ATP1A1: variants seen among roughly 807,000 people sequenced by gnomAD.
ATP1A1 encodes ATPase Na+/K+ transporting subunit alpha 1, also known as sodium/potassium-transporting ATPase subunit alpha-1.
ATP1A1 carries 14 observed loss-of-function variants against 114.8 expected under a neutral mutation model. The observed-to-expected ratio is 0.12, with a 90% CI of 0.08 to 0.19. The LOEUF (loss-of-function observed/expected upper bound fraction) is 0.19. ATP1A1 is among the 10% of genes least tolerant of loss of function. The pLI is 1.00. For synonymous variants in ATP1A1, 471 were observed against 466.3 expected, an observed-to-expected ratio of 1.01 and a Z score of -0.13; for missense variants, 524 against 1,290.7, an observed-to-expected ratio of 0.41 and a Z score of 9.10.
Position 116,404,503 on chromosome 1 carries a change from C to G in ATP1A1, c.*59C>G. The G allele has an allele frequency of 6.4e-7, 1 of 1,569,620 alleles. No individual in the cohort carries two copies. The highest frequency in any genetic ancestry group is 1.2e-5 in the South Asian group (1 of 84,604). On this transcript the variant is annotated 3_prime_UTR_variant, in exon 23 of 23. Coordinates refer to ENST00000295598, the MANE Select transcript of ATP1A1 (RefSeq NM_000701.8). This position sits in a 1 kb window ranked among gnomAD's most constrained non-coding sequence, Gnocchi z 4.8. ...ACACACTCTGCATCCGACACCCACC[C>G]CCTCTTTGTGTACTTCAGTCTTGGA...
At chr1:116,376,069 A>G (rs78632378) in intron 1 of ATP1A1, among the ~76,000 whole-genome samples, 2,446 of 152,242 alleles carry the variant, frequency 0.016, 61 homozygotes, top group African/African-American at 0.057. Context: ...TACCACCGGC[A>G]ACTGTTTCAC....
At chr1:116,391,909 A>G (rs1652496941) in intron 10 of ATP1A1, among the ~76,000 whole-genome samples, 1 of 152,238 alleles carries the variant, frequency 6.6e-6, no homozygotes, top group African/African-American at 2.4e-5. Context: ...TGTTGATGGC[A>G]TTATTACTAA....
In ATP1A1 at chr1:116,389,241, G is replaced by C. The variant is rs1034286405; in HGVS notation, c.755-198G>C. ...TCTGTCAACAACACCAGTCTGGCAT[G>C]GGTGTTGGAGCTGCTGTCCTGCTAC... On this transcript the variant is annotated intron_variant, in intron 7 of 22. Transcript: ENST00000295598. This position sits in a 1 kb window ranked among gnomAD's most constrained non-coding sequence, Gnocchi z 6.9. 6.6e-6 allele frequency among the ~76,000 whole-genome samples: 1 copy of C among 152,138 alleles called. No individual in the cohort carries two copies. Among genetic ancestry groups the C allele is most frequent in the South Asian group, 2.1e-4 (1 of 4,832 alleles).
intron 13 of ATP1A1, among the ~76,000 whole-genome samples, chr1:116,396,093 G>C (rs906980204): frequency 6.6e-6 from 1 of 152,074 alleles, no homozygotes; most frequent in Admixed American, 6.5e-5. Context: ...CTTTGTAGAA[G>C]TTATTTCCTC....
chr1:116,382,734 A>G (rs920227840), intron 1 of ATP1A1: 4 of 152,258 alleles, frequency 2.6e-5, no homozygotes, highest in Non-Finnish European at 5.9e-5. Flanking sequence ...AAACACACAT[A>G]ATACGTTTTG....
Position 116,388,269 on chromosome 1 carries a change from A to C in ATP1A1, c.501+25A>C. 1 of 1,548,704 alleles carries C rather than the reference A, an allele frequency of 6.5e-7. No individual in the cohort carries two copies. The highest frequency in any genetic ancestry group is 8.9e-7 in the Non-Finnish European group (1 of 1,120,962). On this transcript the variant is annotated intron_variant, in intron 5 of 22. Coordinates refer to ENST00000295598, the MANE Select transcript of ATP1A1 (RefSeq NM_000701.8). The surrounding 1 kb of genome is among the most constrained non-coding windows in gnomAD (Gnocchi z 5.6). Reference sequence around the variant, plus strand: ...GGTACCAGACGCTTTGTCCTTCCCCAGTGGATGACTTGACAGCCCCAAGCA... The same window carrying C: ...GGTACCAGACGCTTTGTCCTTCCCCCGTGGATGACTTGACAGCCCCAAGCA...
At chr1:116,403,731 T>C (rs1439775184) in intron 21 of ATP1A1, among the ~76,000 whole-genome samples, 153 bp from the exon 22 acceptor site, 2 of 152,246 alleles carry the variant, frequency 1.3e-5, no homozygotes, top group Non-Finnish European at 2.9e-5. Flanking sequence ...ACATTTTTAT[T>C]TGTTCTGTTA....
rs1269619581 is a variant in ATP1A1 at position 116,401,366 on chromosome 1, GGAATCTCTA to G, written c.2849+108_2849+116del. 1 of 1,563,040 alleles carries G rather than the reference GGAATCTCTA, an allele frequency of 6.4e-7. No individual in the cohort carries two copies. The highest frequency in any genetic ancestry group is 1.4e-5 in the African/African-American group (1 of 73,144). ...ATATGACACATATAGCCAGGTTTCT[GGAATCTCTA>G]GTTTATAGAGCAAATTTAGGAAGCA... On this transcript the variant is annotated intron_variant, in intron 20 of 22. Transcript: ENST00000295598. The surrounding 1 kb of genome is among the most constrained non-coding windows in gnomAD (Gnocchi z 4.7).
Position 116,390,820 on chromosome 1 carries a change from C to T in ATP1A1, c.1261C>T (p.Leu421=), listed in dbSNP as rs764635041. The part of the protein sequence containing the change: ...FDKTSATWLA[L]SRIAGLCNRA... Reference sequence around the variant, plus strand: ...CAAGACTTCAGCTACCTGGCTTGCTCTGTCCAGAATTGCAGGTCTTTGTAA... The same window carrying T: ...CAAGACTTCAGCTACCTGGCTTGCTTTGTCCAGAATTGCAGGTCTTTGTAA... The change falls in exon 10 of 23, where the codon CTG becomes TTG. Residue 421 remains leucine (L), a synonymous_variant. Transcript: ENST00000295598. The T allele has an allele frequency of 1.2e-6, 2 of 1,614,216 alleles. No individual in the cohort carries two copies. Among genetic ancestry groups the T allele is most frequent in the Admixed American group, 3.3e-5 (2 of 60,030 alleles).
At chr1:116,380,470 G>A (rs1182644539) in intron 1 of ATP1A1, among the ~76,000 whole-genome samples, 1 of 152,216 alleles carries the variant, frequency 6.6e-6, no homozygotes, top group East Asian at 1.9e-4. Flanking sequence ...GCCTTTGGCG[G>A]TGGCTATAGC....
intron 14 of ATP1A1, 88 bp downstream of exon 14, chr1:116,396,822 C>T: frequency 7.0e-7 from 1 of 1,426,322 alleles, no homozygotes; most frequent in Non-Finnish European, 9.3e-7. Flanking sequence ...TAATGGTTTG[C>T]ATCTAGGCTT....
chr1:116,390,518 GC>G, intron 9 of ATP1A1, 107 bp downstream of exon 9: 1 of 1,109,456 alleles, frequency 9.0e-7, no homozygotes, highest in Non-Finnish European at 1.3e-6. Context: ...GCTCATGGCA[GC>G]TTTTTCTTTC....
At position 116,389,009 on chromosome 1, in the gene ATP1A1, T is replaced by C. The variant is rs201702975; in HGVS notation, c.744T>C (p.Asn248=). 2.5e-6 allele frequency: 4 copies of C among 1,613,952 alleles called. No homozygotes were observed. The highest frequency in any genetic ancestry group is 1.1e-5 in the South Asian group (1 of 91,078). Residue 248 remains asparagine, a synonymous_variant, in exon 7 of 23, where the codon AAT becomes AAC. Transcript: ENST00000295598. The surrounding 1 kb of genome is among the most constrained non-coding windows in gnomAD (Gnocchi z 6.9). ...ETRNIAFFST[N]CVEGTARGIV... The stretch of plus-strand genomic sequence containing the variant: ...GGAACATTGCCTTCTTTTCAACCAA[T>C]TGTGTTGAAGGTAGGCCATTTTTGG...
Position 116,384,770 on chromosome 1 carries a change from T to C in ATP1A1, c.124-13T>C, listed in dbSNP as rs779429404. ...ACTGTTTAACTATTTTCTTTGTTTC[T>C]GTTTTCCCTTAGGATGATCATAAAC... On this transcript the variant is annotated splice_polypyrimidine_tract_variant and intron_variant, in intron 2 of 22. Coordinates refer to ENST00000295598, the MANE Select transcript of ATP1A1 (RefSeq NM_000701.8). The surrounding 1 kb of genome is among the most constrained non-coding windows in gnomAD (Gnocchi z 5.1). 2.5e-6 allele frequency: 4 copies of C among 1,601,622 alleles called. No individual in the cohort carries two copies. In the South Asian group the frequency reaches 4.5e-5, roughly 18 times the overall value.
At position 116,381,726 on chromosome 1, in the gene ATP1A1, T is replaced by C. The variant is rs758332983; in HGVS notation, c.13-2288T>C. Among the ~76,000 whole-genome samples, 8 of 152,220 alleles carry C rather than the reference T, an allele frequency of 5.3e-5. No individual in the cohort carries two copies. The highest frequency in any genetic ancestry group is 1.0e-4 in the Non-Finnish European group (7 of 68,040). ...CGTGTTCAAAGCCTAGCTGCTCTAG[T>C]AATCCTCTCTCCTCTTCTGGAGTGG... On this transcript the variant is annotated intron_variant, in intron 1 of 22. Transcript: ENST00000295598. The surrounding 1 kb of genome is among the most constrained non-coding windows in gnomAD (Gnocchi z 5.1).
chr1:116,394,271 C>G (rs1217012289), intron 12 of ATP1A1, among the ~76,000 whole-genome samples: 1 of 152,004 alleles, frequency 6.6e-6, no homozygotes, highest in Non-Finnish European at 1.5e-5. Flanking sequence ...TTCACTTTAC[C>G]CATTGTCTAA....
chr1:116,402,086 G>C, intron 21 of ATP1A1: 1 of 164,658 alleles, frequency 6.1e-6, no homozygotes, highest in Non-Finnish European at 1.3e-5. Context: ...TGAATACTCT[G>C]CTCTCAAAGA....
intron 13 of ATP1A1, 79 bp from the exon 14 acceptor site, chr1:116,396,519 T>C (rs1652946971): frequency 3.9e-6 from 6 of 1,530,376 alleles, no homozygotes; most frequent in Middle Eastern, 3.5e-4. Flanking sequence ...CCTTAGTATT[T>C]ACTCTTGCCT....
At chr1:116,394,563 A>T (rs1315064781) in intron 12 of ATP1A1, among the ~76,000 whole-genome samples, 1 of 152,098 alleles carries the variant, frequency 6.6e-6, no homozygotes, top group African/African-American at 2.4e-5. Flanking sequence ...GTCTTACATT[A>T]TCTTGATTCT....
Sources: allele counts gnomAD v4.1 joint callset (sites outside exome capture counted in the v4.1 genomes callset), GRCh38; gene constraint gnomAD v4.1.1; non-coding constraint Gnocchi (gnomAD v3.1); transcripts MANE v1.5; gene names NCBI Gene and HGNC (gene_info 2026-07-23, HGNC 2026-07-21).